The following TRIP4 variants were observed in gnomAD, a reference collection of about 807,000 sequenced individuals.
TRIP4 encodes the protein thyroid hormone receptor interactor 4, also known as activating signal cointegrator 1.
Under a neutral mutation model 81.8 loss-of-function variants are expected in TRIP4, and 54 were observed. The observed-to-expected ratio is 0.66, with a 90% CI of 0.53 to 0.83. The LOEUF (loss-of-function observed/expected upper bound fraction) is 0.83. Among genes scored for constraint, TRIP4 ranks in the 40% least tolerant of loss-of-function variants. The pLI is 0.00. For synonymous variants in TRIP4, 270 were observed against 242.8 expected (o/e 1.11, Z -1.04); for missense variants, 662 against 683.6 (o/e 0.97, Z 0.35).
chr15:64,389,630 C>CAT (rs1900058070), intron 1 of TRIP4, among the ~76,000 whole-genome samples: 1 of 151,298 alleles, frequency 6.6e-6, no homozygotes, highest in Non-Finnish European at 1.5e-5. Context: ...CAGTGGAATG[C>CAT]TATCAAATGA....
rs144292587 is a variant in TRIP4 at position 64,395,431 on chromosome 15, T to G, written c.305T>G (p.Leu102Arg). The G allele has an allele frequency of 1.9e-6, 3 of 1,613,574 alleles. No homozygotes were observed. In the South Asian group the frequency reaches 3.3e-5, roughly 18 times the overall value. The change falls in exon 3 of 13, where the codon CTA (leucine) becomes CGA (arginine). Residue 102 changes from leucine (L) to arginine (R), a missense_variant. Physicochemically the swap from Leu to Arg is moderately radical, Grantham distance 102. Coordinates refer to ENST00000261884, the MANE Select transcript of TRIP4 (RefSeq NM_016213.5). ...ILDGQKSGDHLKRGRKKGRNR... is the reference protein window; with the variant it reads ...ILDGQKSGDHRKRGRKKGRNR... Reference sequence around the variant, plus strand: ...GATGGGCAGAAATCAGGCGACCATCTAAAGCGGGGTAGGAAGAAAGGGAGA... The same window carrying G: ...GATGGGCAGAAATCAGGCGACCATCGAAAGCGGGGTAGGAAGAAAGGGAGA...
At chr15:64,450,818 T>G (rs566715338) in intron 12 of TRIP4, 17 of 451,022 alleles carry the variant, frequency 3.8e-5, no homozygotes, top group Non-Finnish European at 6.7e-5. Flanking sequence ...TTTATTCTGA[T>G]GGGTTGATCT....
intron 11 of TRIP4, among the ~76,000 whole-genome samples, chr15:64,437,373 C>T (rs1376951184): frequency 1.3e-5 from 2 of 150,480 alleles, no homozygotes; most frequent in African/African-American, 4.9e-5. Context: ...GCTGAGATTG[C>T]ACCATTGCAC....
At chr15:64,416,967 C>T (rs749081161) in intron 8 of TRIP4, among the ~76,000 whole-genome samples, 8 of 152,040 alleles carry the variant, frequency 5.3e-5, no homozygotes, top group African/African-American at 1.9e-4. Context: ...CCTAGGGTTT[C>T]GACTACCACT....
intron 8 of TRIP4, among the ~76,000 whole-genome samples, chr15:64,414,681 G>A (rs1421851703): frequency 1.3e-5 from 2 of 151,222 alleles, no homozygotes; most frequent in Non-Finnish European, 3.0e-5. Context: ...CACGCCCAGC[G>A]AATTTTTTGT....
intron 9 of TRIP4, among the ~76,000 whole-genome samples, chr15:64,423,518 A>C (rs888769796): frequency 7.9e-5 from 12 of 151,884 alleles, no homozygotes; most frequent in Admixed American, 5.9e-4. Context: ...TTGAAGAGTA[A>C]AGATAAGCGT....
chr15:64,400,875 C>T (rs1042041262), intron 5 of TRIP4, 54 bp downstream of exon 5: 3 of 1,434,492 alleles, frequency 2.1e-6, no homozygotes, highest in Non-Finnish European at 2.0e-6. Context: ...CTTGTTGCGT[C>T]TGTGGTTGTT....
At chr15:64,425,401 A>G in intron 10 of TRIP4, 139 bp from the exon 11 acceptor site, 1 of 770,276 alleles carries the variant, frequency 1.3e-6, no homozygotes, top group Middle Eastern at 3.6e-4. Context: ...GTGCCAAGTA[A>G]ATTTCACTGT....
At chr15:64,430,900 G>A (rs530829219) in intron 11 of TRIP4, among the ~76,000 whole-genome samples, 1 of 152,188 alleles carries the variant, frequency 6.6e-6, no homozygotes, top group African/African-American at 2.4e-5. Context: ...ATAGGGAAGA[G>A]AATATTACTT....
At chr15:64,448,779 T>G (rs1892688476) in intron 12 of TRIP4, among the ~76,000 whole-genome samples, 1 of 152,142 alleles carries the variant, frequency 6.6e-6, no homozygotes, top group South Asian at 2.1e-4. Context: ...GGGGATAACC[T>G]CCAGTAGTTT....
intron 5 of TRIP4, among the ~76,000 whole-genome samples, chr15:64,402,880 G>T (rs1663050282): frequency 6.6e-6 from 1 of 150,702 alleles, no homozygotes; most frequent in South Asian, 2.1e-4. Flanking sequence ...TTAGTTTTGA[G>T]ATGGAGTCTC....
Position 64,455,254 on chromosome 15 carries a change from G to T in TRIP4, c.*190G>T. On this transcript the variant is annotated 3_prime_UTR_variant, in exon 13 of 13. Transcript: ENST00000261884. ...TGGGATTCCTACTTTATGTAATGGG[G>T]TCGAAATCTTTGAACACATTATTTA... 2.2e-6 allele frequency: 1 copy of T among 455,642 alleles called. No homozygotes were observed. Among genetic ancestry groups the T allele is most frequent in the Non-Finnish European group, 4.0e-6 (1 of 253,122 alleles). 28.2% of individuals were successfully genotyped at this position (455,642 alleles called of 1,614,324 possible).
At chr15:64,450,751 T>C (rs953814604) in intron 12 of TRIP4, 1 of 455,896 alleles carries the variant, frequency 2.2e-6, no homozygotes, top group African/African-American at 2.0e-5. Context: ...TCCTATTAGC[T>C]TTCCATTTTA....
chr15:64,396,039 G>T (rs1219630491), intron 3 of TRIP4, among the ~76,000 whole-genome samples: 1 of 151,678 alleles, frequency 6.6e-6, no homozygotes, highest in African/African-American at 2.4e-5. Context: ...CTCCCAAGTA[G>T]CTGGGACTGC....
intron 12 of TRIP4, among the ~76,000 whole-genome samples, chr15:64,451,664 A>AT (rs1221764414): frequency 1.2e-3 from 168 of 139,014 alleles, no homozygotes; most frequent in Middle Eastern, 3.6e-3. Flanking sequence ...ATTTTTATTA[A>AT]TTTTTTTTTT....
rs549995491 is a variant in TRIP4, at chr15:64,388,019, A to C, written c.101+55A>C. ...GGAGCTCTGGGATGTGCACTGCCTGAGCGAACCGGGAAGCGGGGAGGACTG... is the reference window on the plus strand; with the variant it reads ...GGAGCTCTGGGATGTGCACTGCCTGCGCGAACCGGGAAGCGGGGAGGACTG... On this transcript the variant is annotated intron_variant, in intron 1 of 12. Transcript: ENST00000261884. 1.1e-4 allele frequency: 158 copies of C among 1,489,794 alleles called. No homozygotes were observed. In the African/African-American group the frequency reaches 2.1e-3, roughly 20 times the overall value. The allele number at this position is 1,489,794 out of a possible 1,614,324, so 92.3% of individuals were successfully genotyped here.
chr15:64,406,695 AG>A (rs1285762116), intron 6 of TRIP4, among the ~76,000 whole-genome samples: 1 of 152,200 alleles, frequency 6.6e-6, no homozygotes. Context: ...GACAAATGTT[AG>A]TATATCCCCT....
intron 5 of TRIP4, among the ~76,000 whole-genome samples, chr15:64,403,276 C>T (rs1891553378): frequency 6.6e-6 from 1 of 152,178 alleles, no homozygotes; most frequent in Admixed American, 6.5e-5. Flanking sequence ...CCTGCCTCAG[C>T]CTGCCACGTA....
At position 64,414,584 on chromosome 15, in the gene TRIP4, T is replaced by G. The variant is rs963858479; in HGVS notation, c.1170+373T>G. Reference sequence around the variant, plus strand: ...CAGGCTGGAGTGCAGTGGCATGATCTCGGGTCACTGCAACCTCCGCCTCCC... The same window carrying G: ...CAGGCTGGAGTGCAGTGGCATGATCGCGGGTCACTGCAACCTCCGCCTCCC... On this transcript the variant is annotated intron_variant, in intron 8 of 12. Coordinates refer to ENST00000261884, the MANE Select transcript of TRIP4 (RefSeq NM_016213.5). Among the ~76,000 whole-genome samples the G allele has an allele frequency of 2.0e-5, 3 of 147,040 alleles. No homozygotes were observed. In the Admixed American group the frequency reaches 2.1e-4, roughly 10 times the overall value.
Sources: allele counts gnomAD v4.1 joint callset (sites outside exome capture counted in the v4.1 genomes callset), GRCh38; gene constraint gnomAD v4.1.1; transcripts MANE v1.5; gene names NCBI Gene and HGNC (gene_info 2026-07-23, HGNC 2026-07-21).